The following FAM53B variants were observed in gnomAD, a reference collection of about 807,000 sequenced individuals.
FAM53B encodes protein FAM53B.
FAM53B carries 12 observed loss-of-function variants against 32.7 expected under a neutral mutation model. The ratio of observed to expected loss-of-function variants is 0.37; its 90% confidence interval spans 0.24 to 0.59. The LOEUF (loss-of-function observed/expected upper bound fraction) is 0.59. Ranked by LOEUF, FAM53B falls within the 20% of genes least tolerant of loss-of-function variation. The probability of loss-of-function intolerance (pLI) is 0.72; values close to 1 mark genes in which losing one functional copy is unlikely to be tolerated. For synonymous variants in FAM53B, 234 were observed against 228.7 expected, an observed-to-expected ratio of 1.02 and a Z score of -0.21; for missense variants, 477 against 577.7, an observed-to-expected ratio of 0.83 and a Z score of 1.79.
At chr10:124,639,598 G>A (rs1949457296) in intron 4 of FAM53B, among the ~76,000 whole-genome samples, 2 of 152,178 alleles carry the variant, frequency 1.3e-5, no homozygotes, top group Admixed American at 1.3e-4. Flanking sequence ...CAGAAGGGTT[G>A]GCCGGGGTGG....
chr10:124,668,011 C>T (rs1949684042), intron 4 of FAM53B, among the ~76,000 whole-genome samples: 1 of 152,190 alleles, frequency 6.6e-6, no homozygotes, highest in Admixed American at 6.5e-5. Context: ...CCACCTATCT[C>T]TGGAGCCCAG....
intron 1 of FAM53B, among the ~76,000 whole-genome samples, chr10:124,725,939 G>C (rs564543590): frequency 1.3e-5 from 2 of 152,264 alleles, no homozygotes; most frequent in African/African-American, 4.8e-5. Flanking sequence ...TCCTTGCTGG[G>C]GGGAACACTG....
chr10:124,715,240 G>A (rs1950031868), intron 1 of FAM53B, among the ~76,000 whole-genome samples: 1 of 152,200 alleles, frequency 6.6e-6, no homozygotes, highest in African/African-American at 2.4e-5. Flanking sequence ...CATGGTATTA[G>A]GGGTTCCACT....
At chr10:124,655,939 G>A (rs1165486885) in intron 4 of FAM53B, among the ~76,000 whole-genome samples, 1 of 152,174 alleles carries the variant, frequency 6.6e-6, no homozygotes, top group African/African-American at 2.4e-5. Context: ...TCAGTGCCAA[G>A]AGCAGTATGT....
At chr10:124,729,171 C>G (rs1455379636) in intron 1 of FAM53B, among the ~76,000 whole-genome samples, 2 of 152,216 alleles carry the variant, frequency 1.3e-5, no homozygotes, top group African/African-American at 2.4e-5. Context: ...TGGGCACATG[C>G]AATTAGTCTC....
At chr10:124,708,490 T>A (rs1260780282) in intron 1 of FAM53B, among the ~76,000 whole-genome samples, 1 of 152,164 alleles carries the variant, frequency 6.6e-6, no homozygotes, top group Non-Finnish European at 1.5e-5. Flanking sequence ...GATGCACAGG[T>A]TCAATACCAC....
chr10:124,693,117 G>A (rs935245405), intron 3 of FAM53B, among the ~76,000 whole-genome samples: 1 of 152,176 alleles, frequency 6.6e-6, no homozygotes, highest in Non-Finnish European at 1.5e-5. Flanking sequence ...AGCGCTGGAA[G>A]GGCCCAAAAC....
chr10:124,684,948 A>G (rs941714674), intron 3 of FAM53B, among the ~76,000 whole-genome samples: 3 of 152,276 alleles, frequency 2.0e-5, no homozygotes, highest in Admixed American at 2.0e-4. Context: ...GATGTTCATC[A>G]AAATGATGAG....
At position 124,651,014 on chromosome 10, in the gene FAM53B, G is replaced by A. The variant is rs1432171163; in HGVS notation, c.907-27410C>T. 6.6e-6 allele frequency among the ~76,000 whole-genome samples: 1 copy of A among 152,036 alleles called. No homozygotes were observed. The highest frequency in any genetic ancestry group is 2.1e-4 in the South Asian group (1 of 4,782). On this transcript the variant is annotated intron_variant, in intron 4 of 4. Transcript: ENST00000337318. This position sits in a 1 kb window ranked among gnomAD's most constrained non-coding sequence, Gnocchi z 5.2. Reference sequence around the variant, plus strand: ...CCACGCATGTGAATTAGCCACGCCAGACACTGGGAGCCCCCCAATCTCCCT... The same window carrying A: ...CCACGCATGTGAATTAGCCACGCCAAACACTGGGAGCCCCCCAATCTCCCT...
At chr10:124,688,972 A>G (rs1239462313) in intron 3 of FAM53B, among the ~76,000 whole-genome samples, 1 of 152,204 alleles carries the variant, frequency 6.6e-6, no homozygotes, top group Non-Finnish European at 1.5e-5. Flanking sequence ...TGGTTTCCAG[A>G]AAAGGTTAAG....
At chr10:124,712,531 G>A (rs886744591) in intron 1 of FAM53B, among the ~76,000 whole-genome samples, 4 of 152,016 alleles carry the variant, frequency 2.6e-5, no homozygotes, top group African/African-American at 4.8e-5. Context: ...CACTCTCATC[G>A]GGCACCATCC....
At chr10:124,727,330 T>G (rs1335112124) in intron 1 of FAM53B, among the ~76,000 whole-genome samples, 6 of 89,178 alleles carry the variant, frequency 6.7e-5, no homozygotes, top group Admixed American at 1.2e-4. Context: ...TGAGTGATTG[T>G]GGGGGGGGGG....
At chr10:124,713,207 T>C (rs1950016648) in intron 1 of FAM53B, among the ~76,000 whole-genome samples, 1 of 152,210 alleles carries the variant, frequency 6.6e-6, no homozygotes, top group Non-Finnish European at 1.5e-5. Flanking sequence ...TGAACAGGCA[T>C]TATGGTTGGT....
At chr10:124,710,610 G>C (rs893016338) in intron 1 of FAM53B, among the ~76,000 whole-genome samples, 3 of 152,162 alleles carry the variant, frequency 2.0e-5, no homozygotes, top group African/African-American at 7.2e-5. Context: ...CAATAACTGG[G>C]TGATCCCACA....
At chr10:124,720,320 G>T (rs1050656214) in intron 1 of FAM53B, among the ~76,000 whole-genome samples, 2 of 151,706 alleles carry the variant, frequency 1.3e-5, no homozygotes, top group African/African-American at 2.4e-5. Context: ...AAATAAATTA[G>T]CCAGGCATGG....
chr10:124,654,736 AGGTGTTTGGCCTTCCT>A (rs1192932320), intron 4 of FAM53B, among the ~76,000 whole-genome samples: 1 of 152,078 alleles, frequency 6.6e-6, no homozygotes, highest in Non-Finnish European at 1.5e-5. Flanking sequence ...GTAGGGCTGT[AGGTGTTTGGCCTTCCT>A]GAGGCCTGGG....
At position 124,622,695 on chromosome 10, in the gene FAM53B, A is replaced by T. The variant is rs1349748388; in HGVS notation, c.*547T>A. The T allele has an allele frequency of 1.3e-5, 2 of 153,070 alleles. No individual in the cohort carries two copies. The highest frequency in any genetic ancestry group is 3.9e-4 in the East Asian group (2 of 5,192). The allele number at this position is 153,070 out of a possible 1,614,324, so 9.5% of individuals were successfully genotyped here. On this transcript the variant is annotated 3_prime_UTR_variant, in exon 5 of 5. Transcript: ENST00000337318. ...AAATGGTTCTGGTGTTACAGAAGGA[A>T]GCATCTCCCGAACCTTCCCAAGCCT...
chr10:124,657,996 T>C (rs1298788755), intron 4 of FAM53B, among the ~76,000 whole-genome samples: 2 of 152,162 alleles, frequency 1.3e-5, no homozygotes, highest in Non-Finnish European at 2.9e-5. Context: ...GCTGTGACGA[T>C]ATGTAGGTCA....
chr10:124,692,926 C>T (rs1015444246), intron 3 of FAM53B, among the ~76,000 whole-genome samples: 1 of 152,064 alleles, frequency 6.6e-6, no homozygotes, highest in African/African-American at 2.4e-5. Flanking sequence ...TGGCTCCCAG[C>T]GAGGACCCTG....
Sources: allele counts gnomAD v4.1 joint callset (sites outside exome capture counted in the v4.1 genomes callset), GRCh38; gene constraint gnomAD v4.1.1; non-coding constraint Gnocchi (gnomAD v3.1); transcripts MANE v1.5; gene names NCBI Gene and HGNC (gene_info 2026-07-23, HGNC 2026-07-21).